The following TFEC variants were observed in gnomAD, a reference collection of about 807,000 sequenced individuals.
The protein encoded by TFEC is class E basic helix-loop-helix protein 34.
TFEC carries 31 observed loss-of-function variants against 41.6 expected under a neutral mutation model. That is an observed-to-expected ratio of 0.74 (90% CI 0.56 to 1.01). The LOEUF is 1.01. Ranked by LOEUF, TFEC falls within the 50% of genes least tolerant of loss-of-function variation. The pLI is 0.00. For synonymous variants in TFEC, 143 were observed against 140.6 expected (o/e 1.02, Z -0.12); for missense variants, 402 against 404.1 (o/e 0.99, Z 0.04).
chr7:115,972,769 A>C (rs988859538), intron 3 of TFEC, among the ~76,000 whole-genome samples: 1 of 152,178 alleles, frequency 6.6e-6, no homozygotes, highest in African/African-American at 2.4e-5. Flanking sequence ...GAAATTCATC[A>C]CCAATTTTTT....
At chr7:116,071,629 T>C (rs547356161) in intron 3 of TFEC, among the ~76,000 whole-genome samples, 3 of 151,482 alleles carry the variant, frequency 2.0e-5, no homozygotes, top group South Asian at 2.1e-4. Context: ...ATGATTGTTA[T>C]GTAGAAGATG....
At chr7:116,073,438 C>G (rs907710752) in intron 3 of TFEC, among the ~76,000 whole-genome samples, 1 of 151,212 alleles carries the variant, frequency 6.6e-6, no homozygotes, top group African/African-American at 2.4e-5. Context: ...TCTTAGAAAA[C>G]TTGGAGTATT....
Position 115,935,486 on chromosome 7 carries a change from G to C in TFEC, c.*5065C>G, listed in dbSNP as rs1273013043. ...AAATAGCTGAATTAATTTTAGCCTT[G>C]TATGCCATAAGCAACTGCTATGCTG... On this transcript the variant is annotated 3_prime_UTR_variant, in exon 8 of 8. Coordinates refer to ENST00000265440, the MANE Select transcript of TFEC (RefSeq NM_012252.4). 2 of 151,992 alleles carry C rather than the reference G, an allele frequency of 1.3e-5. No homozygotes were observed. The highest frequency in any genetic ancestry group is 3.0e-5 in the Non-Finnish European group (2 of 67,620). 9.4% of individuals were successfully genotyped at this position (151,992 alleles called of 1,614,324 possible). A position where few individuals can be genotyped will look rare whatever the true frequency, so the allele number is the denominator to read the frequency against.
Position 116,045,214 on chromosome 7 carries a change from C to A in TFEC, c.199-60701G>T, listed in dbSNP as rs149921322. Among the ~76,000 whole-genome samples the A allele has an allele frequency of 4.7e-3, 710 of 152,268 alleles. 3 individuals carry two copies. The highest frequency in any genetic ancestry group is 0.016 in the African/African-American group (666 of 41,546). On this transcript the variant is annotated intron_variant, in intron 3 of 8. Transcript: ENST00000484212. ...TGATAACAATATGGACAATAAGGTC[C>A]AGGCTGAGGTGGTCTCAGATGGAGA...
upstream of TFEC, among the ~76,000 whole-genome samples, chr7:116,035,350 C>T (rs142188245): frequency 3.2e-4 from 49 of 152,116 alleles, no homozygotes; most frequent in African/African-American, 9.2e-4. Context: ...CCAGATCATA[C>T]GTGACCTCCT....
chr7:115,976,114 T>C (rs190197743), intron 2 of TFEC, among the ~76,000 whole-genome samples: 1 of 152,266 alleles, frequency 6.6e-6, no homozygotes, highest in African/African-American at 2.4e-5. Flanking sequence ...TTTAATTTCA[T>C]TTAATTTTTT....
intron 1 of TFEC, among the ~76,000 whole-genome samples, chr7:116,122,585 T>C (rs1562977592): frequency 6.6e-6 from 1 of 152,104 alleles, no homozygotes. Context: ...ATTGGCAGTG[T>C]CTGCTATGTA....
chr7:116,108,011 A>C (rs1797760360), intron 3 of TFEC, among the ~76,000 whole-genome samples: 3 of 152,124 alleles, frequency 2.0e-5, no homozygotes, highest in Admixed American at 2.0e-4. Flanking sequence ...GATGAGGAGG[A>C]CTCAAAGAAA....
intron 3 of TFEC, among the ~76,000 whole-genome samples, chr7:116,051,141 C>T (rs1796301557): frequency 6.6e-6 from 1 of 151,694 alleles, no homozygotes; most frequent in Non-Finnish European, 1.5e-5. Context: ...ACACTGGGGC[C>T]TGTCTTGGGG....
chr7:115,940,488 GC>G lies in TFEC; in HGVS notation c.*62del, dbSNP rs1401714256. 1 of 1,507,214 alleles carries G rather than the reference GC, an allele frequency of 6.6e-7. No homozygotes were observed. The highest frequency in any genetic ancestry group is 1.4e-5 in the African/African-American group (1 of 71,760). 93.4% of individuals were successfully genotyped at this position (1,507,214 alleles called of 1,614,324 possible). ...GCCAAAGCAACATATGAAACACAGA[GC>G]ATAATTGCATAGCACCAGCATAGAA... On this transcript the variant is annotated 3_prime_UTR_variant, in exon 8 of 8. Transcript: ENST00000265440.
chr7:115,958,150 A>G (rs960050050), intron 3 of TFEC, among the ~76,000 whole-genome samples: 1 of 151,890 alleles, frequency 6.6e-6, no homozygotes, highest in African/African-American at 2.4e-5. Flanking sequence ...AGGGAGCTAT[A>G]AAAGCCACCT....
chr7:116,024,929 G>C (rs1171402066), intron 1 of TFEC, among the ~76,000 whole-genome samples: 2 of 151,770 alleles, frequency 1.3e-5, no homozygotes, highest in Non-Finnish European at 2.9e-5. Flanking sequence ...TTGCTGCTAT[G>C]GTTTTGTTTG....
chr7:115,953,566 G>T (rs892605160), intron 5 of TFEC, among the ~76,000 whole-genome samples: 3 of 151,994 alleles, frequency 2.0e-5, no homozygotes, highest in Admixed American at 1.3e-4. Context: ...GTCAGTAATC[G>T]TTAAGTGGCT....
intron 3 of TFEC, among the ~76,000 whole-genome samples, chr7:116,067,424 G>A (rs1796720167): frequency 6.6e-6 from 1 of 151,864 alleles, no homozygotes; most frequent in African/African-American, 2.4e-5. Context: ...TAAAACAGAA[G>A]GTGAAACAAG....
At chr7:116,154,863 TTCTC>T (rs745913836) in intron 1 of TFEC, among the ~76,000 whole-genome samples, 31 of 152,298 alleles carry the variant, frequency 2.0e-4, no homozygotes, top group African/African-American at 5.5e-4. Flanking sequence ...TGGATATTAA[TTCTC>T]TCTTTGTTTT....
chr7:116,151,526 A>G (rs766516363), intron 1 of TFEC, among the ~76,000 whole-genome samples: 41 of 152,152 alleles, frequency 2.7e-4, no homozygotes, highest in Admixed American at 2.0e-4. Context: ...TACAGGCATG[A>G]GCCACTGTGC....
At chr7:116,021,354 T>A (rs1218383428) in intron 1 of TFEC, among the ~76,000 whole-genome samples, 1 of 152,210 alleles carries the variant, frequency 6.6e-6, no homozygotes, top group African/African-American at 2.4e-5. Flanking sequence ...AAATCTATTA[T>A]CAGTGCTTCA....
chr7:116,025,248 G>C (rs2130869523), intron 1 of TFEC, among the ~76,000 whole-genome samples: 1 of 152,258 alleles, frequency 6.6e-6, no homozygotes, highest in Non-Finnish European at 1.5e-5. Context: ...CCCTGAGGCT[G>C]TTTGAATAGG....
intron 1 of TFEC, among the ~76,000 whole-genome samples, chr7:116,003,491 A>T (rs915787719): frequency 2.6e-5 from 4 of 152,154 alleles, no homozygotes; most frequent in African/African-American, 9.7e-5. Flanking sequence ...CACATGATCC[A>T]AAAACACAGG....
Sources: gnomAD v4.1 joint callset for allele counts (sites outside exome capture counted in the v4.1 genomes callset) on GRCh38, gnomAD v4.1.1 for gene constraint, MANE v1.5 for transcripts, NCBI Gene and HGNC (gene_info 2026-07-23, HGNC 2026-07-21) for gene names.